The following SLCO1C1 variants were observed in gnomAD, a reference collection of about 807,000 sequenced individuals.
SLCO1C1 encodes solute carrier organic anion transporter family member 1C1, also known as OAT-RP-5.
A neutral mutation model predicts 76.4 loss-of-function variants in SLCO1C1; 70 were observed. The observed-to-expected ratio is 0.92, with a 90% CI of 0.76 to 1.12. The LOEUF (loss-of-function observed/expected upper bound fraction) is 1.12. Ranked by LOEUF, SLCO1C1 falls within the 50% of genes most tolerant of loss-of-function variation. The pLI is 0.00. For synonymous variants in SLCO1C1, 306 were observed against 286.1 expected (o/e 1.07, Z -0.70); for missense variants, 912 against 823.8 (o/e 1.11, Z -1.31).
intron 1 of SLCO1C1, among the ~76,000 whole-genome samples, chr12:20,698,036 A>G (rs1946342943): frequency 6.6e-6 from 1 of 151,756 alleles, no homozygotes; most frequent in Non-Finnish European, 1.5e-5. Context: ...TTTCTTGGCT[A>G]TTTTCTCTTC....
At chr12:20,725,973 C>A (rs193277642) in intron 9 of SLCO1C1, among the ~76,000 whole-genome samples, 1 of 152,120 alleles carries the variant, frequency 6.6e-6, no homozygotes. Flanking sequence ...TAGTATCTAA[C>A]AATTTTACAT....
intron 9 of SLCO1C1, among the ~76,000 whole-genome samples, chr12:20,731,068 A>G (rs904966766): frequency 6.6e-6 from 1 of 152,188 alleles, no homozygotes; most frequent in African/African-American, 2.4e-5. Context: ...TGAATGATCA[A>G]AGGTTGATTT....
chr12:20,745,310 C>T (rs1352040047), intron 13 of SLCO1C1, among the ~76,000 whole-genome samples: 1 of 151,890 alleles, frequency 6.6e-6, no homozygotes, highest in Non-Finnish European at 1.5e-5. Context: ...CATAAGCATA[C>T]ATTGGTTAAA....
At chr12:20,715,366 A>C (rs1156238830) in intron 6 of SLCO1C1, 81 bp downstream of exon 6, 6 of 1,503,984 alleles carry the variant, frequency 4.0e-6, no homozygotes, top group Non-Finnish European at 5.4e-6. Flanking sequence ...TGCTAAATTA[A>C]GTGGGGAAGC....
At chr12:20,751,708 C>G (rs1004950993) in intron 14 of SLCO1C1, among the ~76,000 whole-genome samples, 1 of 152,098 alleles carries the variant, frequency 6.6e-6, no homozygotes, top group Non-Finnish European at 1.5e-5. Flanking sequence ...AGTATGTTTT[C>G]AAGGTAACCA....
chr12:20,715,007 C>A, intron 5 of SLCO1C1, 132 bp from the exon 6 acceptor site: 1 of 1,086,852 alleles, frequency 9.2e-7, no homozygotes, highest in Non-Finnish European at 1.3e-6. Flanking sequence ...ACCAAACTCC[C>A]ATCAAATTAA....
At chr12:20,737,058 G>A in intron 10 of SLCO1C1, 49 bp from the exon 11 acceptor site, 1 of 1,384,112 alleles carries the variant, frequency 7.2e-7, no homozygotes, top group Non-Finnish European at 9.4e-7. Flanking sequence ...AAATATTCGG[G>A]TGCTACCTGC....
chr12:20,726,204 T>C (rs1947979480), intron 9 of SLCO1C1, among the ~76,000 whole-genome samples: 1 of 152,128 alleles, frequency 6.6e-6, no homozygotes. Context: ...TCAATAAATA[T>C]TATTTCTCTC....
At chr12:20,735,119 CT>C (rs1457697866) in intron 10 of SLCO1C1, among the ~76,000 whole-genome samples, 1 of 152,172 alleles carries the variant, frequency 6.6e-6, no homozygotes, top group African/African-American at 2.4e-5. Context: ...ACTTTCAATA[CT>C]ATAAAGTATT....
At chr12:20,714,410 T>A (rs1947270255) in intron 5 of SLCO1C1, among the ~76,000 whole-genome samples, 1 of 152,176 alleles carries the variant, frequency 6.6e-6, no homozygotes, top group Non-Finnish European at 1.5e-5. Flanking sequence ...ATGGGGGTAA[T>A]TATCCTAGTG....
intron 11 of SLCO1C1, among the ~76,000 whole-genome samples, chr12:20,738,733 G>T (rs979020736): frequency 6.6e-6 from 1 of 152,078 alleles, no homozygotes; most frequent in Admixed American, 6.6e-5. Flanking sequence ...ACAAGGAAAG[G>T]TTAAAGATTG....
intron 4 of SLCO1C1, 63 bp from the exon 5 acceptor site, chr12:20,711,323 C>G: frequency 6.5e-7 from 1 of 1,538,832 alleles, no homozygotes; most frequent in Non-Finnish European, 8.9e-7. Context: ...GTGTAGCATA[C>G]ACATAATATT....
intron 13 of SLCO1C1, among the ~76,000 whole-genome samples, chr12:20,747,083 T>C (rs1949080205): frequency 6.6e-6 from 1 of 152,200 alleles, no homozygotes; most frequent in African/African-American, 2.4e-5. Context: ...TGCTGAAATA[T>C]ACATAATTGA....
rs138281766 is a variant in SLCO1C1, at chr12:20,709,146, G to A, written c.405-2240G>A. 2.1e-3 allele frequency among the ~76,000 whole-genome samples: 325 copies of A among 152,152 alleles called. 1 individual carries two copies. Among genetic ancestry groups the A allele is most frequent in the African/African-American group, 7.1e-3 (296 of 41,502 alleles). ...AGTGCATCAGTCAGGATTTGAATGC[G>A]GGTCAGAATTAAAACCCCTAATATA... On this transcript the variant is annotated intron_variant, in intron 4 of 14. Coordinates refer to ENST00000266509, the MANE Select transcript of SLCO1C1 (RefSeq NM_017435.5).
chr12:20,699,974 A>T (rs1946445491), intron 2 of SLCO1C1: 1 of 272,024 alleles, frequency 3.7e-6, no homozygotes, highest in Admixed American at 5.1e-5. Flanking sequence ...AACTTCTGCC[A>T]TGTGCCAGAT....
At chr12:20,716,356 C>A (rs551531531) in intron 6 of SLCO1C1, among the ~76,000 whole-genome samples, 1 of 152,332 alleles carries the variant, frequency 6.6e-6, no homozygotes, top group African/African-American at 2.4e-5. Context: ...CCCTTCTTCT[C>A]TAGGAGCTCA....
chr12:20,699,660 A>G lies in SLCO1C1; in HGVS notation c.84A>G (p.Glu28=). 1 of 1,612,440 alleles carries G rather than the reference A, an allele frequency of 6.2e-7. No homozygotes were observed. Among genetic ancestry groups the G allele is most frequent in the Non-Finnish European group, 8.5e-7 (1 of 1,179,124 alleles). The change falls in exon 2 of 15, where the codon GAA becomes GAG. Residue 28 remains glutamate (E), a synonymous_variant. Transcript: ENST00000266509. ...QPVGRPSFKT[E]YPSSEEKQPC... Reference sequence around the variant, plus strand: ...TTGGAAGGCCTTCTTTTAAAACAGAATATCCCTCCTCAGAAGAAAAGCAAC... The same window carrying G: ...TTGGAAGGCCTTCTTTTAAAACAGAGTATCCCTCCTCAGAAGAAAAGCAAC...
chr12:20,728,671 G>GTA (rs2120802652), intron 9 of SLCO1C1, among the ~76,000 whole-genome samples: 1 of 151,904 alleles, frequency 6.6e-6, no homozygotes, highest in Admixed American at 6.6e-5. Flanking sequence ...ACATCTCCAA[G>GTA]TACTATTATT....
At chr12:20,710,200 C>CTTTTTTTTT (rs914645913) in intron 4 of SLCO1C1, among the ~76,000 whole-genome samples, 13 of 75,474 alleles carry the variant, frequency 1.7e-4, no homozygotes, top group East Asian at 3.3e-4. Flanking sequence ...CTCTACTTTT[C>CTTTTTTTTT]TTTTTTTTTT....
Sources: gnomAD v4.1 joint callset for allele counts (sites outside exome capture counted in the v4.1 genomes callset) on GRCh38, gnomAD v4.1.1 for gene constraint, MANE v1.5 for transcripts, NCBI Gene and HGNC (gene_info 2026-07-23, HGNC 2026-07-21) for gene names.